OGA: variants seen among roughly 807,000 people sequenced by gnomAD.
OGA encodes O-GlcNAcase.
A neutral mutation model predicts 102.0 loss-of-function variants in OGA; 21 were observed. That is an observed-to-expected ratio of 0.21 (90% CI 0.15 to 0.30). OGA has a LOEUF of 0.30. Among genes scored for constraint, OGA ranks in the 10% least tolerant of loss-of-function variants. The probability of loss-of-function intolerance (pLI) is 1.00; values close to 1 mark genes in which losing one functional copy is unlikely to be tolerated. For missense variants in OGA, 765 were observed against 1,107.8 expected (o/e 0.69, Z 4.39); for synonymous variants, 408 against 378.2 (o/e 1.08, Z -0.91).
At chr10:101,807,971 G>T in intron 4 of OGA, 70 bp from the exon 5 acceptor site, 2 of 1,214,708 alleles carry the variant, frequency 1.6e-6, no homozygotes, top group Non-Finnish European at 1.1e-6. Context: ...AGCGTTAACA[G>T]TTATACTTAA....
chr10:101,802,978 T>TAAAAA (rs764237378), intron 7 of OGA, among the ~76,000 whole-genome samples: 2 of 68,578 alleles, frequency 2.9e-5, no homozygotes, highest in African/African-American at 5.8e-5. Context: ...GTCTCTACTT[T>TAAAAA]AAAAAAAAAA....
intron 1 of OGA, among the ~76,000 whole-genome samples, chr10:101,816,632 A>G (rs1447739215): frequency 6.6e-6 from 1 of 152,212 alleles, no homozygotes; most frequent in Non-Finnish European, 1.5e-5. Flanking sequence ...TAAGTCACAC[A>G]ATGCAATCAT....
intron 3 of OGA, 22 bp downstream of exon 3, chr10:101,813,008 T>C (rs761603179): frequency 7.9e-6 from 12 of 1,520,086 alleles, no homozygotes; most frequent in Middle Eastern, 1.7e-4. Flanking sequence ...TTTGAATTTA[T>C]GGATAAAAAG....
chr10:101,812,853 CT>C, intron 3 of OGA, 176 bp downstream of exon 3: 1 of 676,646 alleles, frequency 1.5e-6, no homozygotes, highest in Non-Finnish European at 2.7e-6. Context: ...TGGTCATGAC[CT>C]TGCTAGCGCA....
chr10:101,786,892 C>CG (rs1382297090), intron 15 of OGA, among the ~76,000 whole-genome samples: 6 of 152,200 alleles, frequency 3.9e-5, no homozygotes, highest in Non-Finnish European at 8.8e-5. Context: ...CTCAGCCTCC[C>CG]GAGTAGCTGG....
At chr10:101,789,316 T>C (rs1037585402) in intron 14 of OGA, among the ~76,000 whole-genome samples, 2 of 151,890 alleles carry the variant, frequency 1.3e-5, no homozygotes, top group East Asian at 1.9e-4. Context: ...CTGACCAACA[T>C]GGAGAAACCC....
In OGA at chr10:101,786,340, C is replaced by CATTAAAA; in HGVS notation, c.*110_*111insTTTTAAT. Reference sequence around the variant, plus strand: ...TTACATAGTCTTCTTTGTTTCGAATCCAATTGGCTGATTTGTTACCATTCT... The same window carrying CATTAAAA: ...TTACATAGTCTTCTTTGTTTCGAATCATTAAAACAATTGGCTGATTTGTTACCATTCT... On this transcript the variant is annotated 3_prime_UTR_variant, in exon 16 of 16. Transcript: ENST00000361464. 3 of 1,134,346 alleles carry CATTAAAA rather than the reference C, an allele frequency of 2.6e-6. No individual in the cohort carries two copies. The highest frequency in any genetic ancestry group is 2.9e-5 in the Admixed American group (1 of 34,022). The allele number at this position is 1,134,346 out of a possible 1,614,324, so 70.3% of individuals were successfully genotyped here.
intron 11 of OGA, 50 bp from the exon 12 acceptor site, chr10:101,792,993 T>C: frequency 6.9e-7 from 1 of 1,453,288 alleles, no homozygotes; most frequent in Non-Finnish European, 9.7e-7. Flanking sequence ...AGGTATCCAT[T>C]TTTTTAAATG....
rs1473513799 is a variant in OGA, at chr10:101,785,861, T to A, written c.*590A>T. ...ACATTTGTCCCTACAAAGTACAACATGCCTGAACCAACAGTCATTACAGGA... is the reference window on the plus strand; with the variant it reads ...ACATTTGTCCCTACAAAGTACAACAAGCCTGAACCAACAGTCATTACAGGA... On this transcript the variant is annotated 3_prime_UTR_variant, in exon 16 of 16. Coordinates refer to ENST00000361464, the MANE Select transcript of OGA (RefSeq NM_012215.5). The A allele has an allele frequency of 1.3e-5, 2 of 152,272 alleles. No homozygotes were observed. The highest frequency in any genetic ancestry group is 1.3e-4 in the Admixed American group (2 of 15,288). The allele number at this position is 152,272 out of a possible 1,614,324, so 9.4% of individuals were successfully genotyped here.
In OGA at chr10:101,800,260, C is replaced by A. The variant is rs750522705; in HGVS notation, c.1177G>T (p.Val393Leu). 6.2e-7 allele frequency: 1 copy of A among 1,614,074 alleles called. No homozygotes were observed. The highest frequency in any genetic ancestry group is 2.2e-5 in the East Asian group (1 of 44,890). ...ALTEWLQEFG[V>L]PHQYSSRQVA... ...AACTCACTGCTGTATTGATGAGGCA[C>A]ACCAAACTCTTGCAACCATTCTGTT... The change falls in exon 8 of 16, where the codon GTG (valine) becomes TTG (leucine). Residue 393 changes from valine to leucine, a missense_variant. Around this residue, in one of 7 missense-constraint regions of OGA, gnomAD observed 281 missense variants for 345.8 expected, o/e 0.81. Transcript: ENST00000361464.
chr10:101,787,792 A>G (rs947695258), intron 14 of OGA: 4 of 336,918 alleles, frequency 1.2e-5, no homozygotes, highest in Admixed American at 4.0e-5. Flanking sequence ...TTCCCTATTT[A>G]TATCGTCAGG....
At position 101,813,586 on chromosome 10, in the gene OGA, C is replaced by T. The variant is rs748997777; in HGVS notation, c.220G>A (p.Val74Ile). The T allele has an allele frequency of 1.1e-5, 17 of 1,558,570 alleles. No homozygotes were observed. Among genetic ancestry groups the T allele is most frequent in the East Asian group, 2.3e-5 (1 of 44,070 alleles). Residue 74 changes from valine (V) to isoleucine (I), a missense_variant, in exon 2 of 16, where the codon GTT becomes ATT. Around this residue, in one of 7 missense-constraint regions of OGA, gnomAD observed 165 missense variants for 249.7 expected, o/e 0.66. Transcript: ENST00000361464. ...AAGAGTTCTTTTCTCTGTTCCATAACCCAAGGTCTTCCATAAAATCCTAGA... is the reference window on the plus strand; with the variant it reads ...AAGAGTTCTTTTCTCTGTTCCATAATCCAAGGTCTTCCATAAAATCCTAGA... ...VVEGFYGRPW[V>I]MEQRKELFRR...
chr10:101,815,961 G>GAAAAAAAA lies in OGA; in HGVS notation c.199+1862_199+1863insTTTTTTTT, dbSNP rs1185344174. On this transcript the variant is annotated intron_variant, in intron 1 of 15. Transcript: ENST00000361464. ...TGCCAACCAAGAGGTATCAAAAAGA[G>GAAAAAAAA]AGAAAAAAAAAAAAAAAAAAAAAAA... Among the ~76,000 whole-genome samples the GAAAAAAAA allele has an allele frequency of 1.6e-3, 38 of 23,788 alleles. 11 individuals carry two copies. The highest frequency in any genetic ancestry group is 1.6e-3 in the African/African-American group (7 of 4,516). The allele number at this position is 23,788 out of a possible 152,430, so 15.6% of individuals were successfully genotyped here. A position where few individuals can be genotyped will look rare whatever the true frequency, so the allele number is the denominator to read the frequency against.
rs1264343488 is a variant in OGA, at chr10:101,813,157, A to G, written c.252-30T>C. Reference sequence around the variant, plus strand: ...AGGAGAAAGAAAATTACATATGTATAAACAGGCAACATTCATAGGCTGTCA... The same window carrying G: ...AGGAGAAAGAAAATTACATATGTATGAACAGGCAACATTCATAGGCTGTCA... On this transcript the variant is annotated intron_variant, in intron 2 of 15. Transcript: ENST00000361464. The G allele has an allele frequency of 4.9e-6, 7 of 1,423,224 alleles. No individual in the cohort carries two copies. In the East Asian group the frequency reaches 1.6e-4, roughly 32 times the overall value. The allele number at this position is 1,423,224 out of a possible 1,614,324, so 88.2% of individuals were successfully genotyped here.
chr10:101,798,297 C>T, intron 9 of OGA, 143 bp from the exon 10 acceptor site: 1 of 748,366 alleles, frequency 1.3e-6, no homozygotes, highest in Non-Finnish European at 2.1e-6. Flanking sequence ...TCTCCCCAAA[C>T]TGACAAATAT....
In OGA at chr10:101,799,210, T is replaced by G. The variant is rs1269651258; in HGVS notation, c.1441A>C (p.Asn481His). 1 of 1,614,246 alleles carries G rather than the reference T, an allele frequency of 6.2e-7. No individual in the cohort carries two copies. Residue 481 changes from asparagine to histidine, a missense_variant, in exon 9 of 16, where the codon AAT becomes CAT. Transcript: ENST00000361464. Reference sequence around the variant, plus strand: ...TCAACAATTTCACTCAGTATTTGATTGTCATTCTTGTGGTCCGTTTCTTCT... The same window carrying G: ...TCAACAATTTCACTCAGTATTTGATGGTCATTCTTGTGGTCCGTTTCTTCT... ...KQEETDHKNDNQILSEIVEAK... is the reference protein window; with the variant it reads ...KQEETDHKNDHQILSEIVEAK...
rs2065189603 is a variant in OGA at position 101,786,319 on chromosome 10, A to G, written c.*132T>C. 4 of 943,378 alleles carry G rather than the reference A, an allele frequency of 4.2e-6. No homozygotes were observed. The highest frequency in any genetic ancestry group is 6.2e-5 in the Admixed American group (2 of 32,368). 58.4% of individuals were successfully genotyped at this position (943,378 alleles called of 1,614,324 possible). ...TCAAAGTGTGATGGGTGAGTTTTAC[A>G]TAGTCTTCTTTGTTTCGAATCCAAT... On this transcript the variant is annotated 3_prime_UTR_variant, in exon 16 of 16. Coordinates refer to ENST00000361464, the MANE Select transcript of OGA (RefSeq NM_012215.5).
At position 101,798,165 on chromosome 10, in the gene OGA, T is replaced by C; in HGVS notation, c.1810-11A>G. 2 of 1,610,194 alleles carry C rather than the reference T, an allele frequency of 1.2e-6. No homozygotes were observed. The highest frequency in any genetic ancestry group is 1.7e-6 in the Non-Finnish European group (2 of 1,178,120). ...CCGCCATTCTTCAATCTATTGAAGA[T>C]CAATAAAAAGACTCAAAAAACTGTA... On this transcript the variant is annotated splice_polypyrimidine_tract_variant and intron_variant, in intron 9 of 15. Transcript: ENST00000361464.
rs1192493637 is a variant in OGA at position 101,796,283 on chromosome 10, A to G, written c.1984+1697T>C. Among the ~76,000 whole-genome samples the G allele has an allele frequency of 2.0e-5, 3 of 152,110 alleles. No individual in the cohort carries two copies. In the South Asian group the frequency reaches 6.2e-4, roughly 31 times the overall value. On this transcript the variant is annotated intron_variant, in intron 10 of 15. Coordinates refer to ENST00000361464, the MANE Select transcript of OGA (RefSeq NM_012215.5). ...CAGAGCCTCCCCCCAGCCCCACAAG[A>G]TGAAGTCTCGCTCTGTCACCCAGGC...
Sources: gnomAD v4.1 joint callset for allele counts (sites outside exome capture counted in the v4.1 genomes callset) on GRCh38, gnomAD v4.1.1 for gene constraint, gnomAD v4.1.1 regional missense constraint, MANE v1.5 for transcripts, NCBI Gene and HGNC (gene_info 2026-07-23, HGNC 2026-07-21) for gene names.